NKAIN3: variants seen among roughly 807,000 people sequenced by gnomAD.
The protein encoded by NKAIN3 is sodium/potassium transporting ATPase interacting 3, also known as sodium/potassium-transporting ATPase subunit beta-1-interacting protein 3.
A neutral mutation model predicts 30.2 loss-of-function variants in NKAIN3; 25 were observed. The observed-to-expected ratio is 0.83, with a 90% confidence interval of 0.60 to 1.16. The LOEUF (loss-of-function observed/expected upper bound fraction) is 1.16. Ranked by LOEUF, NKAIN3 falls within the 50% of genes most tolerant of loss-of-function variation. The probability of loss-of-function intolerance (pLI) is 0.00; values close to 1 mark genes in which losing one functional copy is unlikely to be tolerated. For missense variants in NKAIN3, 225 were observed against 254.1 expected (o/e 0.89, Z 0.78); for synonymous variants, 91 against 89.6 (o/e 1.02, Z -0.09).
intron 2 of NKAIN3, among the ~76,000 whole-genome samples, chr8:62,586,874 A>G (rs1810492700): frequency 6.6e-6 from 1 of 152,032 alleles, no homozygotes; most frequent in South Asian, 2.1e-4. Context: ...AGCAAAGTAG[A>G]AGAGAGATGG....
At chr8:62,646,667 G>A (rs1021778677) in intron 3 of NKAIN3, among the ~76,000 whole-genome samples, 5 of 151,898 alleles carry the variant, frequency 3.3e-5, no homozygotes, top group Non-Finnish European at 5.9e-5. Flanking sequence ...ATATGAGCCC[G>A]TATTACATTT....
chr8:62,391,163 TCTTC>T (rs1363751829), intron 1 of NKAIN3, among the ~76,000 whole-genome samples: 1 of 152,176 alleles, frequency 6.6e-6, no homozygotes, highest in Non-Finnish European at 1.5e-5. Flanking sequence ...AAACTAGATT[TCTTC>T]CTTATACTAT....
intron 3 of NKAIN3, among the ~76,000 whole-genome samples, chr8:62,623,263 C>T (rs958595623): frequency 6.6e-6 from 1 of 151,914 alleles, no homozygotes; most frequent in Non-Finnish European, 1.5e-5. Flanking sequence ...CTTTGACCAA[C>T]CAAGGAAAGA....
Position 62,982,535 on chromosome 8 carries a change from T to A in NKAIN3, c.*17128T>A, listed in dbSNP as rs1446921656. ...TAAAAGGGCAAAGCGTCAGTAATTC[T>A]GTAGACATGCTTCATGCATGTTCTG... On this transcript the variant is annotated 3_prime_UTR_variant, in exon 7 of 7. Transcript: ENST00000623646. 1 of 152,244 alleles carries A rather than the reference T, an allele frequency of 6.6e-6. No homozygotes were observed. The highest frequency in any genetic ancestry group is 1.5e-5 in the Non-Finnish European group (1 of 68,038). The allele number at this position is 152,244 out of a possible 1,614,324, so 9.4% of individuals were successfully genotyped here. A position where few individuals can be genotyped will look rare whatever the true frequency, so the allele number is the denominator to read the frequency against.
chr8:62,422,705 AGTATAG>A (rs1804681539), intron 1 of NKAIN3, among the ~76,000 whole-genome samples: 1 of 152,112 alleles, frequency 6.6e-6, no homozygotes, highest in Non-Finnish European at 1.5e-5. Context: ...GACTGGAGTT[AGTATAG>A]GTGTTTACTG....
At chr8:62,667,260 C>A (rs1813136660) in intron 3 of NKAIN3, among the ~76,000 whole-genome samples, 3 of 148,794 alleles carry the variant, frequency 2.0e-5, no homozygotes. Context: ...AACAAACCTG[C>A]ACATTGTGCA....
At chr8:62,262,904 G>A (rs1812488667) in intron 1 of NKAIN3, among the ~76,000 whole-genome samples, 1 of 152,058 alleles carries the variant, frequency 6.6e-6, no homozygotes. Flanking sequence ...TTATTAGAGG[G>A]CAGAGGTTTT....
At chr8:62,459,532 T>G (rs1286620321) in intron 1 of NKAIN3, among the ~76,000 whole-genome samples, 1 of 152,156 alleles carries the variant, frequency 6.6e-6, no homozygotes, top group Non-Finnish European at 1.5e-5. Flanking sequence ...AGTTTACATT[T>G]TGGTAGAAGA....
chr8:62,409,842 G>C (rs1804185415), intron 1 of NKAIN3, among the ~76,000 whole-genome samples: 1 of 151,154 alleles, frequency 6.6e-6, no homozygotes, highest in Admixed American at 6.6e-5. Context: ...ATATAGTTTA[G>C]CACTTTTTTT....
At chr8:62,564,798 A>T (rs1377790136) in intron 1 of NKAIN3, among the ~76,000 whole-genome samples, 1 of 152,224 alleles carries the variant, frequency 6.6e-6, no homozygotes, top group Non-Finnish European at 1.5e-5. Flanking sequence ...GTGGACACAC[A>T]AACCCACACA....
At chr8:62,312,707 C>T (rs979048233) in intron 1 of NKAIN3, among the ~76,000 whole-genome samples, 1 of 151,842 alleles carries the variant, frequency 6.6e-6, no homozygotes, top group Admixed American at 6.6e-5. Context: ...GTCCCAGCTA[C>T]CTGGGAGGTT....
chr8:62,462,160 A>C (rs61162054), intron 1 of NKAIN3, among the ~76,000 whole-genome samples: 1 of 152,176 alleles, frequency 6.6e-6, no homozygotes, highest in Non-Finnish European at 1.5e-5. Context: ...CCATGGGCAC[A>C]GGCGCAGATG....
At chr8:62,998,443 T>C (rs567713316) in intron 5 of NKAIN3, among the ~76,000 whole-genome samples, 1 of 152,172 alleles carries the variant, frequency 6.6e-6, no homozygotes, top group Non-Finnish European at 1.5e-5. Flanking sequence ...ACCAGCTAAT[T>C]TTTGTATTTT....
chr8:62,702,589 G>A (rs1333756948), intron 3 of NKAIN3, among the ~76,000 whole-genome samples: 1 of 152,056 alleles, frequency 6.6e-6, no homozygotes, highest in African/African-American at 2.4e-5. Context: ...AGTAAACATC[G>A]TTTATGTGGT....
chr8:62,834,486 T>A (rs1819298611), intron 4 of NKAIN3, among the ~76,000 whole-genome samples: 1 of 152,038 alleles, frequency 6.6e-6, no homozygotes, highest in Non-Finnish European at 1.5e-5. Flanking sequence ...AGTTTTAGGA[T>A]ACAAAATCAA....
chr8:62,906,007 A>G (rs1471439745), intron 4 of NKAIN3, among the ~76,000 whole-genome samples: 1 of 152,098 alleles, frequency 6.6e-6, no homozygotes, highest in Non-Finnish European at 1.5e-5. Context: ...CTTCTTCCCC[A>G]TCTCACCCCC....
intron 4 of NKAIN3, among the ~76,000 whole-genome samples, chr8:62,820,360 C>T (rs908383193): frequency 2.6e-5 from 4 of 152,108 alleles, no homozygotes; most frequent in Non-Finnish European, 4.4e-5. Context: ...GAAGTAAATG[C>T]TTTGTCTGCA....
At chr8:62,401,604 T>TA (rs750825204) in intron 1 of NKAIN3, among the ~76,000 whole-genome samples, 1 of 152,166 alleles carries the variant, frequency 6.6e-6, no homozygotes, top group Non-Finnish European at 1.5e-5. Context: ...TGGGTGTTTT[T>TA]ATCTAAGTTT....
chr8:62,727,564 GC>G (rs766613483), intron 3 of NKAIN3, among the ~76,000 whole-genome samples: 6 of 152,094 alleles, frequency 3.9e-5, no homozygotes, highest in Non-Finnish European at 8.8e-5. Flanking sequence ...TGAGTAAGTG[GC>G]ATTTGAAGTT....
Sources: gnomAD v4.1 joint callset for allele counts (sites outside exome capture counted in the v4.1 genomes callset) on GRCh38, gnomAD v4.1.1 for gene constraint, MANE v1.5 for transcripts, NCBI Gene and HGNC (gene_info 2026-07-23, HGNC 2026-07-21) for gene names.